Variants in NCKAP1 observed in about 807,000 individuals in gnomAD.
The protein encoded by NCKAP1 is nck-associated protein 1.
A neutral mutation model predicts 151.2 loss-of-function variants in NCKAP1; 21 were observed. The ratio of observed to expected loss-of-function variants is 0.14; its 90% CI spans 0.10 to 0.20. The LOEUF (loss-of-function observed/expected upper bound fraction) is 0.20. Among genes scored for constraint, NCKAP1 ranks in the 10% least tolerant of loss-of-function variants. The probability of loss-of-function intolerance (pLI) is 1.00; values close to 1 mark genes in which losing one functional copy is unlikely to be tolerated. For synonymous variants in NCKAP1, 484 were observed against 451.8 expected, an observed-to-expected ratio of 1.07 and a Z score of -0.90; for missense variants, 933 against 1,352.1, an observed-to-expected ratio of 0.69 and a Z score of 4.86.
At chr2:183,031,739 T>C (rs1358050995) in intron 1 of NCKAP1, among the ~76,000 whole-genome samples, 1 of 152,208 alleles carries the variant, frequency 6.6e-6, no homozygotes, top group African/African-American at 2.4e-5. Flanking sequence ...ACCTATGAGG[T>C]TAATAAAAGC....
At position 182,953,225 on chromosome 2, in the gene NCKAP1, C is replaced by G. The variant is rs936670736; in HGVS notation, c.2260G>C (p.Glu754Gln). The G allele has an allele frequency of 6.2e-7, 1 of 1,612,760 alleles. No individual in the cohort carries two copies. The highest frequency in any genetic ancestry group is 1.3e-5 in the African/African-American group (1 of 74,862). Residue 754 changes from glutamate to glutamine, a missense_variant, in exon 21 of 31, where the codon GAA (glutamate) becomes CAA (glutamine). Glu to Gln is a conservative substitution (Grantham distance 29). This residue lies in a region of NCKAP1 where 326 missense variants were observed against 557.1 expected (regional missense o/e 0.59). Transcript: ENST00000361354. ...RAYMTVLQSI[E>Q]NYVQIDITRV... ...GTAATATCAATCTGCACATAGTTTT[C>G]TATTGACTGGAGTACGGTCATGTAT...
chr2:183,014,721 C>G (rs1698652098), intron 2 of NCKAP1, among the ~76,000 whole-genome samples: 2 of 152,250 alleles, frequency 1.3e-5, no homozygotes, highest in Non-Finnish European at 2.9e-5. Flanking sequence ...AACTTTAGAT[C>G]TGACAAAAGG....
At chr2:183,035,808 A>C (rs1319015636) in intron 1 of NCKAP1, among the ~76,000 whole-genome samples, 1 of 152,150 alleles carries the variant, frequency 6.6e-6, no homozygotes, top group African/African-American at 2.4e-5. Context: ...TTAAAACTAG[A>C]GCACACAGGT....
At chr2:182,946,401 C>CA (rs112998465) in intron 23 of NCKAP1, among the ~76,000 whole-genome samples, 8,837 of 144,668 alleles carry the variant, frequency 0.061, 843 homozygotes, top group African/African-American at 0.21. Context: ...ACTCTGTTTA[C>CA]AAAAAAAAAA....
intron 6 of NCKAP1, among the ~76,000 whole-genome samples, chr2:182,999,904 G>A (rs192315103): frequency 5.3e-5 from 8 of 152,210 alleles, no homozygotes; most frequent in African/African-American, 1.7e-4. Flanking sequence ...ATGCACAAAC[G>A]GAAAACCAAA....
At chr2:182,945,572 G>A (rs1179111849) in intron 23 of NCKAP1, among the ~76,000 whole-genome samples, 1 of 152,142 alleles carries the variant, frequency 6.6e-6, no homozygotes, top group East Asian at 1.9e-4. Flanking sequence ...TATTTTCAGA[G>A]GGATATTTGG....
At chr2:182,966,444 G>A (rs962003996) in intron 16 of NCKAP1, among the ~76,000 whole-genome samples, 4 of 151,890 alleles carry the variant, frequency 2.6e-5, no homozygotes, top group African/African-American at 4.8e-5. Flanking sequence ...ACACCACCAC[G>A]TCCGACTAAT....
At chr2:183,022,205 AAC>A (rs1698809630) in intron 2 of NCKAP1, among the ~76,000 whole-genome samples, 3 of 152,176 alleles carry the variant, frequency 2.0e-5, no homozygotes, top group East Asian at 3.8e-4. Flanking sequence ...TTTACACACA[AAC>A]ACATGTGTAA....
chr2:183,001,762 T>C (rs1043646113), intron 6 of NCKAP1, among the ~76,000 whole-genome samples, 191 bp downstream of exon 6: 3 of 152,202 alleles, frequency 2.0e-5, no homozygotes, highest in African/African-American at 7.2e-5. Flanking sequence ...CAATATATTC[T>C]TGAGTCTCTA....
chr2:182,964,433 C>T (rs1697521347), intron 17 of NCKAP1, among the ~76,000 whole-genome samples: 1 of 152,066 alleles, frequency 6.6e-6, no homozygotes, highest in Admixed American at 6.5e-5. Context: ...ACCTGACCCA[C>T]CATTTATCTT....
In NCKAP1 at chr2:182,919,318, G is replaced by C. The variant is rs1233371692; in HGVS notation, c.*6384C>G. ...AGAATTCAGAATGAACTGACATTCAGCATTAACCTGTAAAGTTGTGTACTA... is the reference window on the plus strand; with the variant it reads ...AGAATTCAGAATGAACTGACATTCACCATTAACCTGTAAAGTTGTGTACTA... On this transcript the variant is annotated 3_prime_UTR_variant, in exon 31 of 31. Transcript: ENST00000361354. 6.6e-6 allele frequency: 1 copy of C among 152,206 alleles called. No individual in the cohort carries two copies. The highest frequency in any genetic ancestry group is 1.5e-5 in the Non-Finnish European group (1 of 68,034). The allele number at this position is 152,206 out of a possible 1,614,324, so 9.4% of individuals were successfully genotyped here.
At chr2:183,018,389 T>G (rs1321195103) in intron 2 of NCKAP1, among the ~76,000 whole-genome samples, 1 of 152,208 alleles carries the variant, frequency 6.6e-6, no homozygotes, top group Non-Finnish European at 1.5e-5. Context: ...AGTATGTTAC[T>G]ATCTTAATAG....
rs1283978943 is a variant in NCKAP1 at position 182,924,186 on chromosome 2, C to T, written c.*1516G>A. ...ATTTTTCGACAGATAGTGACAACTACTCCCTACTTTAAATATAGGCTGGAC... is the reference window on the plus strand; with the variant it reads ...ATTTTTCGACAGATAGTGACAACTATTCCCTACTTTAAATATAGGCTGGAC... On this transcript the variant is annotated 3_prime_UTR_variant, in exon 31 of 31. Coordinates refer to ENST00000361354, the MANE Select transcript of NCKAP1 (RefSeq NM_013436.5). 6.6e-6 allele frequency: 1 copy of T among 152,132 alleles called. No homozygotes were observed. The highest frequency in any genetic ancestry group is 1.5e-5 in the Non-Finnish European group (1 of 68,018). 9.4% of individuals were successfully genotyped at this position (152,132 alleles called of 1,614,324 possible). A position where few individuals can be genotyped will look rare whatever the true frequency, so the allele number is the denominator to read the frequency against.
intron 21 of NCKAP1, 73 bp from the exon 22 acceptor site, chr2:182,952,996 A>G (rs35971883): frequency 0.069 from 104,297 of 1,504,242 alleles, 4,478 homozygotes; most frequent in African/African-American, 0.2. Flanking sequence ...ACATTCCTGC[A>G]TATAATTTTA....
In NCKAP1 at chr2:182,924,216, C is replaced by A. The variant is rs1472023421; in HGVS notation, c.*1486G>T. 1 of 152,130 alleles carries A rather than the reference C, an allele frequency of 6.6e-6. No homozygotes were observed. The highest frequency in any genetic ancestry group is 1.5e-5 in the Non-Finnish European group (1 of 68,012). The allele number at this position is 152,130 out of a possible 1,614,324, so 9.4% of individuals were successfully genotyped here. ...TACTTTAAATATAGGCTGGACAAAT[C>A]ATACACAAAATAATAGCATAATCTC... On this transcript the variant is annotated 3_prime_UTR_variant, in exon 31 of 31. Transcript: ENST00000361354.
At chr2:182,980,621 A>G (rs1428128431) in intron 13 of NCKAP1, among the ~76,000 whole-genome samples, 1 of 152,172 alleles carries the variant, frequency 6.6e-6, no homozygotes, top group Non-Finnish European at 1.5e-5. Flanking sequence ...AAAAAGGCTA[A>G]AAACCAATTA....
chr2:183,013,297 C>T (rs745532336), intron 2 of NCKAP1, among the ~76,000 whole-genome samples: 2 of 152,076 alleles, frequency 1.3e-5, no homozygotes, highest in Non-Finnish European at 2.9e-5. Context: ...AAACTTAACA[C>T]GTCTAATATT....
chr2:182,942,870 A>C (rs1307313022), intron 23 of NCKAP1, among the ~76,000 whole-genome samples: 1 of 152,164 alleles, frequency 6.6e-6, no homozygotes, highest in African/African-American at 2.4e-5. Flanking sequence ...AATTAATTTC[A>C]TTCTGTCAGA....
At chr2:183,018,962 T>C (rs1403959408) in intron 2 of NCKAP1, among the ~76,000 whole-genome samples, 2 of 152,232 alleles carry the variant, frequency 1.3e-5, no homozygotes, top group Admixed American at 1.3e-4. Flanking sequence ...TAAAAAATTA[T>C]GTTTTACATA....
Sources: allele counts gnomAD v4.1 joint callset (sites outside exome capture counted in the v4.1 genomes callset), GRCh38; gene constraint gnomAD v4.1.1; regional missense constraint gnomAD v4.1.1; transcripts MANE v1.5; gene names NCBI Gene and HGNC (gene_info 2026-07-23, HGNC 2026-07-21).